The following SEMA3C variants were observed in gnomAD, a reference collection of about 807,000 sequenced individuals.
The protein encoded by SEMA3C is semaphorin 3C.
A neutral mutation model predicts 89.4 loss-of-function variants in SEMA3C; 47 were observed. The ratio of observed to expected loss-of-function variants is 0.53; its 90% CI spans 0.42 to 0.67. The LOEUF is 0.67. Ranked by LOEUF, SEMA3C falls within the 30% of genes least tolerant of loss-of-function variation. The probability of loss-of-function intolerance (pLI) is 0.00; values close to 1 mark genes in which losing one functional copy is unlikely to be tolerated. For synonymous variants in SEMA3C, 310 were observed against 320.2 expected (o/e 0.97, Z 0.34); for missense variants, 839 against 929.1 (o/e 0.90, Z 1.26).
chr7:80,799,899 C>A (rs79159662), intron 10 of SEMA3C, among the ~76,000 whole-genome samples: 6,541 of 148,480 alleles, frequency 0.044, 341 homozygotes, highest in East Asian at 0.25. Context: ...TGCCTGTAAT[C>A]CCAACACTTT....
intron 11 of SEMA3C, among the ~76,000 whole-genome samples, chr7:80,790,904 T>C (rs1172098522): frequency 6.6e-6 from 1 of 152,176 alleles, no homozygotes; most frequent in Admixed American, 6.5e-5. Flanking sequence ...ATCAGACTTA[T>C]AACAGAGCTG....
intron 6 of SEMA3C, among the ~76,000 whole-genome samples, chr7:80,810,258 G>GA (rs891968415): frequency 1.3e-5 from 2 of 151,408 alleles, no homozygotes; most frequent in Admixed American, 6.6e-5. Flanking sequence ...GAAAGGTAAA[G>GA]AAAAAAATAC....
chr7:80,857,319 C>T (rs1279679944), intron 2 of SEMA3C, among the ~76,000 whole-genome samples: 6 of 152,098 alleles, frequency 3.9e-5, no homozygotes, highest in African/African-American at 1.4e-4. Context: ...TCAGGATGTG[C>T]TCATATGCCA....
At chr7:80,874,055 C>T (rs1395946339) in intron 2 of SEMA3C, among the ~76,000 whole-genome samples, 1 of 152,154 alleles carries the variant, frequency 6.6e-6, no homozygotes, top group Non-Finnish European at 1.5e-5. Context: ...CCCAAAACCC[C>T]AAGTGTTCCT....
chr7:80,908,727 C>G (rs1208585547), intron 2 of SEMA3C, among the ~76,000 whole-genome samples: 2 of 152,066 alleles, frequency 1.3e-5, no homozygotes, highest in East Asian at 3.9e-4. Context: ...CACCAGCTGT[C>G]AGAAAAATGG....
At chr7:80,863,892 A>AT (rs1790853632) in intron 2 of SEMA3C, among the ~76,000 whole-genome samples, 2 of 115,950 alleles carry the variant, frequency 1.7e-5, no homozygotes, top group African/African-American at 8.9e-5. Context: ...CATATATATC[A>AT]CACATATATT....
intron 2 of SEMA3C, among the ~76,000 whole-genome samples, chr7:80,845,790 T>TAGGA (rs1251929876): frequency 2.0e-5 from 3 of 152,142 alleles, no homozygotes; most frequent in Non-Finnish European, 4.4e-5. Flanking sequence ...GTACAATGAC[T>TAGGA]AGGACCCTAC....
intron 1 of SEMA3C, 122 bp from the exon 2 acceptor site, chr7:80,916,941 A>C (rs1054401816): frequency 2.9e-6 from 2 of 698,658 alleles, no homozygotes; most frequent in African/African-American, 3.6e-5. Context: ...ACAGTAATGC[A>C]AACAGTAGGA....
chr7:80,872,363 G>A (rs1290673757), intron 2 of SEMA3C, among the ~76,000 whole-genome samples: 1 of 151,912 alleles, frequency 6.6e-6, no homozygotes, highest in Non-Finnish European at 1.5e-5. Flanking sequence ...ATGTTGGCCA[G>A]GCTGGTCTCA....
At chr7:80,844,685 A>G (rs1790347425) in intron 2 of SEMA3C, among the ~76,000 whole-genome samples, 1 of 152,196 alleles carries the variant, frequency 6.6e-6, no homozygotes, top group Admixed American at 6.5e-5. Context: ...GGTCAGATCT[A>G]TCTTTCTCAA....
chr7:80,817,011 C>T (rs942282321), intron 5 of SEMA3C, among the ~76,000 whole-genome samples: 3 of 152,188 alleles, frequency 2.0e-5, no homozygotes, highest in East Asian at 1.9e-4. Context: ...AGATTGCAGA[C>T]GTCTAAGGCA....
intron 2 of SEMA3C, among the ~76,000 whole-genome samples, chr7:80,880,956 G>C (rs1258942515): frequency 6.6e-6 from 1 of 151,880 alleles, no homozygotes; most frequent in Non-Finnish European, 1.5e-5. Context: ...AAGTAAATCG[G>C]ATCGCAGAAA....
At chr7:80,875,891 G>A (rs1791189682) in intron 2 of SEMA3C, among the ~76,000 whole-genome samples, 1 of 151,908 alleles carries the variant, frequency 6.6e-6, no homozygotes, top group Non-Finnish European at 1.5e-5. Flanking sequence ...TGCTGAGATT[G>A]CTAAGACCTA....
chr7:80,836,294 T>C (rs1241222308), intron 2 of SEMA3C, among the ~76,000 whole-genome samples: 2 of 152,200 alleles, frequency 1.3e-5, no homozygotes, highest in East Asian at 3.9e-4. Flanking sequence ...CTTTGCTTTT[T>C]GACAGGCATG....
At chr7:80,909,949 A>G (rs1430656594) in intron 2 of SEMA3C, among the ~76,000 whole-genome samples, 1 of 152,218 alleles carries the variant, frequency 6.6e-6, no homozygotes, top group Non-Finnish European at 1.5e-5. Flanking sequence ...CAGTTAATTA[A>G]AAATGTAAGG....
intron 2 of SEMA3C, among the ~76,000 whole-genome samples, chr7:80,883,510 G>T (rs1466424291): frequency 6.6e-6 from 1 of 152,154 alleles, no homozygotes; most frequent in Non-Finnish European, 1.5e-5. Flanking sequence ...AAAAGTATGG[G>T]TTTTCCCTTA....
chr7:80,905,222 C>CAGGGAGAGAG (rs1376014732), intron 2 of SEMA3C, among the ~76,000 whole-genome samples: 1 of 91,936 alleles, frequency 1.1e-5, no homozygotes, highest in Non-Finnish European at 2.0e-5. Flanking sequence ...TAGGGAGAGA[C>CAGGGAGAGAG]AGGGAGAGAG....
chr7:80,886,929 A>T (rs1240931650), intron 2 of SEMA3C, among the ~76,000 whole-genome samples: 7 of 152,204 alleles, frequency 4.6e-5, no homozygotes, highest in Non-Finnish European at 1.0e-4. Context: ...GCTAGGTAAC[A>T]AATATTGATC....
intron 12 of SEMA3C, among the ~76,000 whole-genome samples, chr7:80,775,746 T>C (rs1788534392): frequency 6.6e-6 from 1 of 152,144 alleles, no homozygotes; most frequent in Admixed American, 6.5e-5. Context: ...TGCATTATTA[T>C]AGGGTGTGGT....
Sources: allele counts gnomAD v4.1 joint callset (sites outside exome capture counted in the v4.1 genomes callset), GRCh38; gene constraint gnomAD v4.1.1; transcripts MANE v1.5; gene names NCBI Gene and HGNC (gene_info 2026-07-23, HGNC 2026-07-21).